Variants in RAB10 observed in about 807,000 individuals in gnomAD.
RAB10 encodes the protein RAB10, member RAS oncogene family.
A neutral mutation model predicts 25.7 loss-of-function variants in RAB10; 5 were observed. The ratio of observed to expected loss-of-function variants is 0.19; its 90% confidence interval spans 0.10 to 0.41. RAB10 has a LOEUF of 0.41. Ranked by LOEUF, RAB10 falls within the 10% of genes least tolerant of loss-of-function variation. The pLI, the probability that RAB10 is intolerant of heterozygous loss-of-function variation, is 1.00. For missense variants in RAB10, 103 were observed against 245.8 expected (o/e 0.42, Z 3.89); for synonymous variants, 89 against 86.4 (o/e 1.03, Z -0.16).
chr2:26,127,329 G>T, intron 4 of RAB10, 96 bp downstream of exon 4: 1 of 901,752 alleles, frequency 1.1e-6, no homozygotes, highest in Non-Finnish European at 1.7e-6. Flanking sequence ...AACACACTAA[G>T]CTAATTACAT....
At chr2:26,112,420 A>C (rs770983292) in intron 3 of RAB10, among the ~76,000 whole-genome samples, 3 of 152,176 alleles carry the variant, frequency 2.0e-5, no homozygotes, top group Non-Finnish European at 4.4e-5. Context: ...CATTATAGTC[A>C]AAAGAATCTT....
chr2:26,057,535 G>A (rs1458836502), intron 1 of RAB10, among the ~76,000 whole-genome samples: 4 of 151,552 alleles, frequency 2.6e-5, no homozygotes, highest in Admixed American at 6.6e-5. Flanking sequence ...GCAGTGGCTA[G>A]AGTGGTTGGG....
chr2:26,051,426 T>C (rs1418496369), intron 1 of RAB10, among the ~76,000 whole-genome samples: 1 of 134,626 alleles, frequency 7.4e-6, no homozygotes, highest in African/African-American at 2.8e-5. Context: ...TGATTGTTGA[T>C]TTCAGACTGC....
rs191721341 is a variant in RAB10, at chr2:26,041,819, G to A, written c.127+7084G>A. On this transcript the variant is annotated intron_variant, in intron 1 of 5. Coordinates refer to ENST00000264710, the MANE Select transcript of RAB10 (RefSeq NM_016131.5). ...CTCTAGAGGCTGAGGCAGGAGAACC[G>A]CTTGAACCAGGGAGGCGGAGGTTGC... Among the ~76,000 whole-genome samples the A allele has an allele frequency of 4.3e-4, 66 of 152,234 alleles. 1 individual carries two copies. The highest frequency in any genetic ancestry group is 1.5e-3 in the African/African-American group (63 of 41,546).
At chr2:26,128,496 C>G (rs558111771) in intron 5 of RAB10, among the ~76,000 whole-genome samples, 1 of 152,338 alleles carries the variant, frequency 6.6e-6, no homozygotes, top group East Asian at 1.9e-4. Context: ...TCCACAGTCA[C>G]TGTCTAGTCC....
At chr2:26,112,089 GC>G (rs1667584144) in intron 3 of RAB10, among the ~76,000 whole-genome samples, 1 of 152,184 alleles carries the variant, frequency 6.6e-6, no homozygotes, top group South Asian at 2.1e-4. Flanking sequence ...GTGGGGAGTA[GC>G]GGCAGGGCTC....
At chr2:26,091,539 A>G (rs1667106790) in intron 1 of RAB10, among the ~76,000 whole-genome samples, 1 of 152,182 alleles carries the variant, frequency 6.6e-6, no homozygotes, top group South Asian at 2.1e-4. Context: ...AGAGAGGGGT[A>G]GGTGGGAGAA....
chr2:26,095,240 A>G (rs1428905150), intron 1 of RAB10, among the ~76,000 whole-genome samples: 1 of 152,116 alleles, frequency 6.6e-6, no homozygotes, highest in Non-Finnish European at 1.5e-5. Context: ...TTTCAGGCAA[A>G]GAATTTATTG....
At chr2:26,082,312 A>G (rs796563160) in intron 1 of RAB10, among the ~76,000 whole-genome samples, 3 of 152,276 alleles carry the variant, frequency 2.0e-5, no homozygotes, top group African/African-American at 7.2e-5. Context: ...TAGAGAAACT[A>G]CTAAAAAATA....
At chr2:26,079,324 A>C (rs6720012) in intron 1 of RAB10, among the ~76,000 whole-genome samples, 18,039 of 92,528 alleles carry the variant, frequency 0.19, 1,382 homozygotes, top group African/African-American at 0.3. Context: ...CACACACACA[A>C]ACACACACAC....
At chr2:26,049,521 G>T (rs1009543368) in intron 1 of RAB10, among the ~76,000 whole-genome samples, 4 of 151,006 alleles carry the variant, frequency 2.6e-5, no homozygotes, top group Non-Finnish European at 5.9e-5. Context: ...TGATTCTCCT[G>T]CCTCAGCCTC....
chr2:26,124,300 GT>G lies in RAB10; in HGVS notation c.328-2833del, dbSNP rs541418402. Among the ~76,000 whole-genome samples the G allele has an allele frequency of 8.1e-4, 105 of 130,154 alleles. 2 individuals carry two copies. The South Asian group carries it at 0.015, about 19-fold the overall frequency. 85.4% of individuals were successfully genotyped at this position (130,154 alleles called of 152,430 possible). Reference sequence around the variant, plus strand: ...ATCAGCATATTTTATAACTTTCCTAGTTTTTTTTTTTCTTATAGCTACAGGA... The same window carrying G: ...ATCAGCATATTTTATAACTTTCCTAGTTTTTTTTTTCTTATAGCTACAGGA... On this transcript the variant is annotated intron_variant, in intron 3 of 5. Transcript: ENST00000264710.
At chr2:26,101,665 C>G (rs984889976) in intron 2 of RAB10, 18 of 152,088 alleles carry the variant, frequency 1.2e-4, no homozygotes, top group East Asian at 9.7e-4. Flanking sequence ...TCTTAATGAT[C>G]TTGTTCCCCA....
At chr2:26,085,991 CTG>C (rs1491386776) in intron 1 of RAB10, among the ~76,000 whole-genome samples, 1 of 62,634 alleles carries the variant, frequency 1.6e-5, no homozygotes, top group African/African-American at 7.2e-5. Context: ...AAGAGCAAAA[CTG>C]TCTCCAAAAA....
chr2:26,115,686 TA>T (rs908867744), intron 3 of RAB10, among the ~76,000 whole-genome samples: 1 of 152,092 alleles, frequency 6.6e-6, no homozygotes, highest in East Asian at 1.9e-4. Flanking sequence ...CGTAAATAAC[TA>T]AAAAAACACT....
intron 1 of RAB10, among the ~76,000 whole-genome samples, chr2:26,049,186 C>CTTT (rs1314869793): frequency 8.0e-6 from 1 of 125,472 alleles, no homozygotes; most frequent in Non-Finnish European, 1.7e-5. Context: ...TGGAGGTCGA[C>CTTT]TTTTTTTTTT....
At chr2:26,063,879 C>T (rs1357322436) in intron 1 of RAB10, among the ~76,000 whole-genome samples, 3 of 152,188 alleles carry the variant, frequency 2.0e-5, no homozygotes, top group Admixed American at 1.3e-4. Context: ...CTCGCTGCAA[C>T]CTCTGCCTCC....
chr2:26,116,415 T>C (rs1195246744), intron 3 of RAB10, among the ~76,000 whole-genome samples: 2 of 152,092 alleles, frequency 1.3e-5, no homozygotes, highest in African/African-American at 4.8e-5. Context: ...GGAGCCTTCT[T>C]TGTATATGTC....
At chr2:26,122,122 A>G (rs531138580) in intron 3 of RAB10, among the ~76,000 whole-genome samples, 2 of 152,350 alleles carry the variant, frequency 1.3e-5, no homozygotes, top group East Asian at 3.9e-4. Flanking sequence ...GAATTGCTTA[A>G]TATGTACTGT....
Sources: gnomAD v4.1 joint callset for allele counts (sites outside exome capture counted in the v4.1 genomes callset) on GRCh38, gnomAD v4.1.1 for gene constraint, MANE v1.5 for transcripts, NCBI Gene and HGNC (gene_info 2026-07-23, HGNC 2026-07-21) for gene names.